Variants in PTPRS observed in about 807,000 individuals in gnomAD.
PTPRS encodes the protein receptor-type tyrosine-protein phosphatase S.
A neutral mutation model predicts 215.3 loss-of-function variants in PTPRS; 63 were observed. That is an observed-to-expected ratio of 0.29 (90% CI 0.24 to 0.36). The LOEUF (loss-of-function observed/expected upper bound fraction) is 0.36. Among genes scored for constraint, PTPRS ranks in the 10% least tolerant of loss-of-function variants. The pLI is 1.00. For synonymous variants in PTPRS, 1,404 were observed against 1,191.4 expected, an observed-to-expected ratio of 1.18 and a Z score of -3.68; for missense variants, 2,258 against 2,825.8, an observed-to-expected ratio of 0.80 and a Z score of 4.56.
chr19:5,321,168 G>C (rs1028097712), intron 1 of PTPRS, among the ~76,000 whole-genome samples: 1 of 152,162 alleles, frequency 6.6e-6, no homozygotes, highest in African/African-American at 2.4e-5. Context: ...AGCTGCTCAG[G>C]GGGCTGAGGC....
chr19:5,210,742 G>A lies in PTPRS; in HGVS notation c.5298C>T (p.Arg1766=). 1.4e-5 allele frequency: 22 copies of A among 1,614,198 alleles called. No individual in the cohort carries two copies. Among genetic ancestry groups the A allele is most frequent in the Non-Finnish European group, 1.9e-5 (22 of 1,180,038 alleles). Reference sequence around the variant, plus strand: ...TCGTCGAATTGTTCTCCCACAGCATGCGCCAGAAGTCTTCCGTGGTCTCCG... The same window carrying A: ...TCGTCGAATTGTTCTCCCACAGCATACGCCAGAAGTCTTCCGTGGTCTCCG... The part of the protein sequence containing the change: ...PLAETTEDFW[R]MLWENNSTIV... The change falls in exon 34 of 38, where the codon CGC becomes CGT. Residue 1766 remains arginine (R), a synonymous_variant. Coordinates refer to ENST00000262963, the MANE Select transcript of PTPRS (RefSeq NM_002850.4). This position sits in a 1 kb window ranked among gnomAD's most constrained non-coding sequence, Gnocchi z 4.5.
chr19:5,269,903 A>G (rs1362998278), intron 4 of PTPRS, among the ~76,000 whole-genome samples: 2 of 140,578 alleles, frequency 1.4e-5, no homozygotes, highest in African/African-American at 5.4e-5. Flanking sequence ...CCTGGGTAAC[A>G]AGAGCAAAAC....
chr19:5,255,534 A>C (rs2045480355), intron 9 of PTPRS, among the ~76,000 whole-genome samples: 1 of 152,112 alleles, frequency 6.6e-6, no homozygotes, highest in African/African-American at 2.4e-5. Context: ...GAGGGGAAAA[A>C]AGAACCATTT....
At chr19:5,254,467 C>G (rs1298460712) in intron 9 of PTPRS, among the ~76,000 whole-genome samples, 1 of 146,228 alleles carries the variant, frequency 6.8e-6, no homozygotes, top group Non-Finnish European at 1.5e-5. Flanking sequence ...AAGGGCGTGC[C>G]TTTTCTTGGG....
intron 9 of PTPRS, among the ~76,000 whole-genome samples, chr19:5,252,048 TA>T (rs1164017885): frequency 6.6e-6 from 1 of 152,092 alleles, no homozygotes; most frequent in Non-Finnish European, 1.5e-5. Flanking sequence ...AAATTTAATT[TA>T]AAAAACAATT....
Position 5,205,569 on chromosome 19 carries a change from C to T in PTPRS, c.*1205G>A, listed in dbSNP as rs528568401. On this transcript the variant is annotated 3_prime_UTR_variant, in exon 38 of 38. Coordinates refer to ENST00000262963, the MANE Select transcript of PTPRS (RefSeq NM_002850.4). ...TACATACACGGGGGTGGGAAAACCA[C>T]CCGGCTGCTTCCGCTGGAATAAACA... Among the ~76,000 whole-genome samples the T allele has an allele frequency of 1.3e-5, 2 of 152,346 alleles. No homozygotes were observed. The highest frequency in any genetic ancestry group is 2.1e-4 in the South Asian group (1 of 4,830).
At chr19:5,229,394 G>C (rs925817824) in intron 15 of PTPRS, 52 bp from the exon 16 acceptor site, 64 of 1,358,498 alleles carry the variant, frequency 4.7e-5, no homozygotes, top group Non-Finnish European at 5.9e-5. Flanking sequence ...GAGCGGGGGA[G>C]GCCAGAGATG....
intron 26 of PTPRS, among the ~76,000 whole-genome samples, chr19:5,216,223 C>T (rs1363472125): frequency 6.6e-6 from 1 of 152,070 alleles, no homozygotes; most frequent in African/African-American, 2.4e-5. Context: ...GAGCTCTTAT[C>T]CTTTCAAGCC....
intron 19 of PTPRS, among the ~76,000 whole-genome samples, chr19:5,221,877 A>G (rs1453804691): frequency 6.6e-5 from 10 of 152,156 alleles, no homozygotes; most frequent in Non-Finnish European, 1.5e-4. Context: ...CTAAGCCACA[A>G]TCCAAGGCTG....
chr19:5,212,351 G>T lies in PTPRS; in HGVS notation c.4755C>A (p.Ile1585=), dbSNP rs1005284875. ...KTCNPPDAGP[I]VVHCSAGVGR... ...GGTGGACGTACCTGCAGTGAACCAC[G>T]ATGGGGCCGGCATCTGGCGGGTTGC... The change falls in exon 31 of 38, where the codon ATC becomes ATA. Residue 1585 remains isoleucine, a synonymous_variant. Transcript: ENST00000262963. 1.9e-6 allele frequency: 3 copies of T among 1,612,638 alleles called. No homozygotes were observed. In the South Asian group the frequency reaches 3.3e-5, roughly 18 times the overall value.
At chr19:5,269,964 G>T (rs2046766862) in intron 4 of PTPRS, among the ~76,000 whole-genome samples, 1 of 151,684 alleles carries the variant, frequency 6.6e-6, no homozygotes, top group Non-Finnish European at 1.5e-5. Context: ...GGCGCAGGGG[G>T]CATTTTTTTC....
Position 5,220,229 on chromosome 19 carries a change from G to A in PTPRS, c.3549+31C>T, listed in dbSNP as rs779721473. On this transcript the variant is annotated intron_variant, in intron 21 of 37. Coordinates refer to ENST00000262963, the MANE Select transcript of PTPRS (RefSeq NM_002850.4). The stretch of plus-strand genomic sequence containing the variant: ...AGCACGTGAAAACTGGAATGCATCT[G>A]GGCCCTGCGGGTTGGGCCCCAGGCC... 8 of 1,610,632 alleles carry A rather than the reference G, an allele frequency of 5.0e-6. No individual in the cohort carries two copies. The African/African-American group carries it at 6.7e-5, about 13-fold the overall frequency.
chr19:5,328,428 G>C (rs949623159), intron 1 of PTPRS, among the ~76,000 whole-genome samples: 3 of 151,798 alleles, frequency 2.0e-5, no homozygotes, highest in African/African-American at 7.3e-5. Context: ...AGTAGAAAAG[G>C]GGTTTCACCA....
rs557843023 is a variant in PTPRS, at chr19:5,229,264, C to T, written c.2376+52G>A. 1.6e-5 allele frequency: 22 copies of T among 1,361,058 alleles called. 1 individual carries two copies. In the South Asian group the frequency reaches 2.2e-4, roughly 14 times the overall value. The allele number at this position is 1,361,058 out of a possible 1,614,324, so 84.3% of individuals were successfully genotyped here. A position where few individuals can be genotyped will look rare whatever the true frequency, so the allele number is the denominator to read the frequency against. On this transcript the variant is annotated intron_variant, in intron 16 of 37. Coordinates refer to ENST00000262963, the MANE Select transcript of PTPRS (RefSeq NM_002850.4). The stretch of plus-strand genomic sequence containing the variant: ...GGCGTGCAGGAGTCACAGCACAGCA[C>T]GGCCCGCGGGAAGCGCACAGCAGTA...
At chr19:5,300,847 T>C (rs979139806) in intron 1 of PTPRS, among the ~76,000 whole-genome samples, 4 of 143,544 alleles carry the variant, frequency 2.8e-5, no homozygotes, top group African/African-American at 7.8e-5. Flanking sequence ...ATAAAAAATA[T>C]AGACATGAAA....
intron 1 of PTPRS, among the ~76,000 whole-genome samples, chr19:5,292,977 A>AG (rs2048959076): frequency 6.6e-6 from 1 of 152,038 alleles, no homozygotes; most frequent in Admixed American, 6.5e-5. Flanking sequence ...AGGCAGCAGC[A>AG]GGCCCAAGCT....
At position 5,215,280 on chromosome 19, in the gene PTPRS, C is replaced by G; in HGVS notation, c.4318+9G>C. 6.2e-7 allele frequency: 1 copy of G among 1,613,446 alleles called. No homozygotes were observed. Among genetic ancestry groups the G allele is most frequent in the East Asian group, 2.2e-5 (1 of 44,854 alleles). ...AAGGGCAGGTTAAGACCCGGGATCT[C>G]CGAACTACCTTCAATGGGCTGGAGG... On this transcript the variant is annotated intron_variant, in intron 28 of 37. Coordinates refer to ENST00000262963, the MANE Select transcript of PTPRS (RefSeq NM_002850.4).
intron 1 of PTPRS, among the ~76,000 whole-genome samples, chr19:5,288,849 T>A (rs2048578576): frequency 6.6e-6 from 1 of 152,192 alleles, no homozygotes; most frequent in Admixed American, 6.5e-5. Context: ...GCAGCCCTAA[T>A]TACACCCTGG....
chr19:5,268,288 G>A (rs555899280), intron 4 of PTPRS, among the ~76,000 whole-genome samples: 33 of 152,176 alleles, frequency 2.2e-4, no homozygotes, highest in East Asian at 5.8e-4. Flanking sequence ...TTGTTGCTGC[G>A]ACAGAGACCG....
Sources: gnomAD v4.1 joint callset for allele counts (sites outside exome capture counted in the v4.1 genomes callset) on GRCh38, gnomAD v4.1.1 for gene constraint, Gnocchi (gnomAD v3.1) non-coding constraint, MANE v1.5 for transcripts, NCBI Gene and HGNC (gene_info 2026-07-23, HGNC 2026-07-21) for gene names.